PRKG1: variants seen among roughly 807,000 people sequenced by gnomAD.
PRKG1 encodes the protein cGMP-dependent protein kinase 1.
A neutral mutation model predicts 88.1 loss-of-function variants in PRKG1; 35 were observed. The ratio of observed to expected loss-of-function variants is 0.40; its 90% confidence interval spans 0.30 to 0.53. The LOEUF (loss-of-function observed/expected upper bound fraction) is 0.53. Ranked by LOEUF, PRKG1 falls within the 20% of genes least tolerant of loss-of-function variation. The pLI is 0.59. For synonymous variants in PRKG1, 303 were observed against 292.5 expected, an observed-to-expected ratio of 1.04 and a Z score of -0.37; for missense variants, 540 against 839.8, an observed-to-expected ratio of 0.64 and a Z score of 4.41.
intron 2 of PRKG1, among the ~76,000 whole-genome samples, chr10:51,216,769 GGT>G (rs1838381926): frequency 1.3e-5 from 2 of 152,060 alleles, no homozygotes; most frequent in African/African-American, 4.8e-5. Context: ...AAGTGGTATG[GGT>G]GTGTGTAAAT....
intron 3 of PRKG1, among the ~76,000 whole-genome samples, chr10:51,482,745 A>G (rs1049560877): frequency 7.9e-5 from 12 of 152,134 alleles, no homozygotes; most frequent in Non-Finnish European, 1.8e-4. Context: ...AAAATTGAAT[A>G]TACTTTGGGC....
intron 4 of PRKG1, among the ~76,000 whole-genome samples, chr10:51,805,045 T>A (rs996008819): frequency 2.0e-5 from 3 of 152,048 alleles, no homozygotes; most frequent in Non-Finnish European, 4.4e-5. Flanking sequence ...ATTGAATACA[T>A]CTTCAACTAT....
chr10:52,111,937 T>C (rs1045922941), intron 7 of PRKG1, among the ~76,000 whole-genome samples: 1 of 152,184 alleles, frequency 6.6e-6, no homozygotes, highest in Non-Finnish European at 1.5e-5. Flanking sequence ...TGATAGTGCC[T>C]GTCTTTAAAT....
intron 5 of PRKG1, among the ~76,000 whole-genome samples, chr10:52,020,039 ATATTT>A (rs1845142640): frequency 6.6e-6 from 1 of 151,928 alleles, no homozygotes; most frequent in South Asian, 2.1e-4. Context: ...ATATTTTAAT[ATATTT>A]TATTTTATTA....
chr10:51,170,475 G>T (rs9414845), intron 2 of PRKG1, among the ~76,000 whole-genome samples: 9,820 of 149,818 alleles, frequency 0.066, 680 homozygotes, highest in African/African-American at 0.17. Context: ...CACACAACCA[G>T]GAGGTAATAA....
At chr10:52,225,326 G>T (rs1363457324) in intron 9 of PRKG1, among the ~76,000 whole-genome samples, 2 of 151,956 alleles carry the variant, frequency 1.3e-5, no homozygotes, top group Non-Finnish European at 2.9e-5. Context: ...CTTTTTGATA[G>T]GCTTGTTCGT....
intron 8 of PRKG1, among the ~76,000 whole-genome samples, chr10:52,151,048 T>G (rs571013758): frequency 2.0e-5 from 3 of 152,314 alleles, no homozygotes; most frequent in African/African-American, 7.2e-5. Flanking sequence ...TTTGTAAATT[T>G]TAAATAATTT....
intron 2 of PRKG1, among the ~76,000 whole-genome samples, chr10:51,405,280 G>A (rs1372903625): frequency 6.6e-6 from 1 of 152,124 alleles, no homozygotes; most frequent in Non-Finnish European, 1.5e-5. Flanking sequence ...CCTAAACTGG[G>A]GACTGGCTGT....
At chr10:51,030,853 T>C (rs551885635) in intron 1 of PRKG1, among the ~76,000 whole-genome samples, 2 of 152,326 alleles carry the variant, frequency 1.3e-5, no homozygotes, top group East Asian at 3.9e-4. Context: ...ATGCTTCTTG[T>C]ACAGCCTGCA....
chr10:51,173,022 C>A (rs1437174542), intron 2 of PRKG1, among the ~76,000 whole-genome samples: 1 of 151,964 alleles, frequency 6.6e-6, no homozygotes, highest in Non-Finnish European at 1.5e-5. Flanking sequence ...AAATATACTT[C>A]TTGACACTAC....
chr10:51,517,237 G>T (rs751763954), intron 3 of PRKG1, among the ~76,000 whole-genome samples: 6 of 152,130 alleles, frequency 3.9e-5, no homozygotes, highest in Non-Finnish European at 7.3e-5. Flanking sequence ...TGAGAAATGT[G>T]GTAGGACAAA....
chr10:52,097,762 A>AAT (rs10595011), intron 7 of PRKG1, among the ~76,000 whole-genome samples: 1,688 of 147,740 alleles, frequency 0.011, 34 homozygotes, highest in African/African-American at 0.039. Context: ...TAATAGGCCT[A>AAT]ATATATATAT....
intron 5 of PRKG1, among the ~76,000 whole-genome samples, chr10:52,023,077 C>G (rs191283639): frequency 1.3e-5 from 2 of 152,134 alleles, no homozygotes; most frequent in African/African-American, 4.8e-5. Context: ...GCCCCCCACA[C>G]CCCGACAGGT....
intron 3 of PRKG1, among the ~76,000 whole-genome samples, chr10:51,584,522 C>A (rs185770675): frequency 2.0e-5 from 3 of 152,092 alleles, no homozygotes; most frequent in African/African-American, 7.2e-5. Flanking sequence ...TCATAGTGCA[C>A]CCTACTAAGT....
chr10:51,640,150 A>G (rs1839761476), intron 3 of PRKG1, among the ~76,000 whole-genome samples: 1 of 152,212 alleles, frequency 6.6e-6, no homozygotes, highest in Admixed American at 6.5e-5. Context: ...TAACACTTCC[A>G]GAGACCTGCA....
intron 2 of PRKG1, among the ~76,000 whole-genome samples, chr10:51,291,342 T>C (rs1439041633): frequency 1.3e-5 from 2 of 152,148 alleles, no homozygotes; most frequent in Non-Finnish European, 2.9e-5. Flanking sequence ...GGCTTGACAG[T>C]TATCAAGAGG....
intron 3 of PRKG1, among the ~76,000 whole-genome samples, chr10:51,489,508 G>A (rs572285189): frequency 6.6e-6 from 1 of 152,096 alleles, no homozygotes; most frequent in Non-Finnish European, 1.5e-5. Flanking sequence ...CAAGACTCCT[G>A]ATTCAAAAAG....
chr10:51,678,129 A>T (rs1033405004), intron 3 of PRKG1, among the ~76,000 whole-genome samples: 1 of 152,180 alleles, frequency 6.6e-6, no homozygotes, highest in African/African-American at 2.4e-5. Flanking sequence ...ATGCTTTCCC[A>T]GCATTATCTC....
chr10:51,623,973 C>G (rs1181480902), intron 3 of PRKG1, among the ~76,000 whole-genome samples: 1 of 152,116 alleles, frequency 6.6e-6, no homozygotes, highest in African/African-American at 2.4e-5. Context: ...ACTCCACAAC[C>G]CCTGGGGCCA....
Sources: gnomAD v4.1 joint callset for allele counts (sites outside exome capture counted in the v4.1 genomes callset) on GRCh38, gnomAD v4.1.1 for gene constraint, MANE v1.5 for transcripts, NCBI Gene and HGNC (gene_info 2026-07-23, HGNC 2026-07-21) for gene names.